Variants in LRRC27 observed in about 807,000 individuals in gnomAD.
LRRC27 encodes leucine-rich repeat-containing protein 27.
In LRRC27, 57 loss-of-function variants were observed where a neutral mutation model predicts 55.0. The observed-to-expected ratio is 1.04, with a 90% CI of 0.84 to 1.29. The LOEUF (loss-of-function observed/expected upper bound fraction) is 1.29, where lower values mean the gene tolerates loss of function less well. LRRC27 is among the 50% of genes most tolerant of loss of function. The probability of loss-of-function intolerance (pLI) is 0.00; values close to 1 mark genes in which losing one functional copy is unlikely to be tolerated. For missense variants in LRRC27, 721 were observed against 651.5 expected, an observed-to-expected ratio of 1.11 and a Z score of -1.16; for synonymous variants, 278 against 251.9, an observed-to-expected ratio of 1.10 and a Z score of -0.98.
upstream of LRRC27, chr10:132,331,440 T>C: frequency 6.2e-7 from 1 of 1,610,048 alleles, no homozygotes; most frequent in Non-Finnish European, 8.5e-7. Flanking sequence ...ACTCACTGCG[T>C]TTCCTCGCCC....
chr10:132,337,191 G>T, intron 2 of LRRC27: 1 of 1,170,866 alleles, frequency 8.5e-7, no homozygotes, highest in South Asian at 2.2e-5. Flanking sequence ...GATTTCGGGG[G>T]CTGCCGAGGG....
intron 6 of LRRC27, chr10:132,351,388 C>G: frequency 1.8e-6 from 1 of 542,868 alleles, no homozygotes; most frequent in East Asian, 3.1e-5. Context: ...TGGCAGTGGG[C>G]GCGTTGGGAC....
chr10:132,337,002 C>T lies in LRRC27; in HGVS notation c.211-563C>T, dbSNP rs189793814. On this transcript the variant is annotated intron_variant, in intron 2 of 10. Transcript: ENST00000368614. ...ATTTGTCACGACTTTACAACGCCAC[C>T]GAGTTGATGTGTCAATCTGCTTCTG... is the stretch of plus-strand genomic sequence containing the variant. The T allele has an allele frequency of 1.8e-4, 172 of 970,688 alleles. No homozygotes were observed. The Admixed American group carries it at 4.5e-3, about 26-fold the overall frequency. The allele number at this position is 970,688 out of a possible 1,614,324, so 60.1% of individuals were successfully genotyped here. A position where few individuals can be genotyped will look rare whatever the true frequency, so the allele number is the denominator to read the frequency against.
chr10:132,374,530 C>G lies in LRRC27; in HGVS notation c.1417-536C>G, dbSNP rs1479498355. On this transcript the variant is annotated intron_variant, in intron 10 of 10. Transcript: ENST00000368614. The surrounding 1 kb of genome is among the most constrained non-coding windows in gnomAD (Gnocchi z 4.4). ...GAGGTTTGGAACAGAAAGCCTGCCCCTGGTTTCACGCTCAGCAAGTTCCTT... is the reference window on the plus strand; with the variant it reads ...GAGGTTTGGAACAGAAAGCCTGCCCGTGGTTTCACGCTCAGCAAGTTCCTT... 6.6e-6 allele frequency among the ~76,000 whole-genome samples: 1 copy of G among 152,216 alleles called. No individual in the cohort carries two copies. Among genetic ancestry groups the G allele is most frequent in the Non-Finnish European group, 1.5e-5 (1 of 68,026 alleles).
intron 7 of LRRC27, among the ~76,000 whole-genome samples, chr10:132,352,160 CCG>C (rs2068065098): frequency 8.4e-5 from 7 of 82,872 alleles, no homozygotes; most frequent in African/African-American, 2.4e-4. Context: ...GCTGAGGCCT[CCG>C]TGTGGGGCAG....
At chr10:132,330,561 T>G (rs1488127540), upstream of LRRC27, 19 of 713,634 alleles carry the variant, frequency 2.7e-5, no homozygotes, top group East Asian at 5.1e-4. Flanking sequence ...AAGCTGACAT[T>G]AAGTGGCACA....
chr10:132,348,149 T>A lies in LRRC27; in HGVS notation c.719T>A (p.Leu240Gln). ...SFLPPVEKPDLSELRKSADSS... is the reference protein window; with the variant it reads ...SFLPPVEKPDQSELRKSADSS... ...CTCCCACCTGTGGAAAAGCCAGACC[T>A]GAGTGAACTCAGGAAGTCTGCGGAC... The change falls in exon 6 of 11, where the codon CTG becomes CAG. Residue 240 changes from leucine (L) to glutamine (Q), a missense_variant. Coordinates refer to ENST00000368614, the MANE Select transcript of LRRC27 (RefSeq NM_030626.3). The surrounding 1 kb of genome is among the most constrained non-coding windows in gnomAD (Gnocchi z 4.2). 1 of 1,614,084 alleles carries A rather than the reference T, an allele frequency of 6.2e-7. No individual in the cohort carries two copies. Among genetic ancestry groups the A allele is most frequent in the Non-Finnish European group, 8.5e-7 (1 of 1,180,034 alleles).
rs78162592 is a variant in LRRC27 at position 132,339,385 on chromosome 10, C to T, written c.341+1690C>T. Among the ~76,000 whole-genome samples the T allele has an allele frequency of 4.6e-3, 703 of 152,322 alleles. 4 individuals are homozygous for T. Among genetic ancestry groups the T allele is most frequent in the African/African-American group, 0.016 (666 of 41,574 alleles). ...TGCATCACTCACCCTTCAGGCTCTGCGAGGAAGCTGCTTATCTAATGATAG... is the reference window on the plus strand; with the variant it reads ...TGCATCACTCACCCTTCAGGCTCTGTGAGGAAGCTGCTTATCTAATGATAG... On this transcript the variant is annotated intron_variant, in intron 3 of 10. Coordinates refer to ENST00000368614, the MANE Select transcript of LRRC27 (RefSeq NM_030626.3).
rs1185624238 is a variant in LRRC27, at chr10:132,380,828, T to C, written c.*5586T>C. 6.6e-6 allele frequency among the ~76,000 whole-genome samples: 1 copy of C among 152,232 alleles called. No individual in the cohort carries two copies. On this transcript the variant is annotated 3_prime_UTR_variant, in exon 11 of 11. Transcript: ENST00000368614. Reference sequence around the variant, plus strand: ...CAAGAAAAAGTTGAATTTCTTGATATGTTCCGTAGATTGAGGTTTACAGCT... The same window carrying C: ...CAAGAAAAAGTTGAATTTCTTGATACGTTCCGTAGATTGAGGTTTACAGCT...
Position 132,380,920 on chromosome 10 carries a change from T to C in LRRC27, c.*5678T>C, listed in dbSNP as rs2069403357. On this transcript the variant is annotated 3_prime_UTR_variant, in exon 11 of 11. Transcript: ENST00000368614. ...GACCATAGTAAAAAAATAAGGAAATTTGTGAGCAGGCACAAAAGCCTTAAC... is the reference window on the plus strand; with the variant it reads ...GACCATAGTAAAAAAATAAGGAAATCTGTGAGCAGGCACAAAAGCCTTAAC... Among the ~76,000 whole-genome samples, 1 of 152,222 alleles carries C rather than the reference T, an allele frequency of 6.6e-6. No individual in the cohort carries two copies. Among genetic ancestry groups the C allele is most frequent in the African/African-American group, 2.4e-5 (1 of 41,444 alleles).
chr10:132,344,475 A>G (rs750719435), intron 4 of LRRC27, 23 bp from the exon 5 acceptor site: 7 of 1,593,608 alleles, frequency 4.4e-6, no homozygotes, highest in African/African-American at 2.7e-5. Flanking sequence ...GAATGCTGAC[A>G]GTTTTTTTTT....
intron 10 of LRRC27, among the ~76,000 whole-genome samples, chr10:132,367,512 T>C (rs1590731980): frequency 2.6e-5 from 4 of 152,288 alleles, no homozygotes; most frequent in Admixed American, 2.6e-4. Flanking sequence ...CATTCAGAAA[T>C]CAAATCCAGC....
chr10:132,374,973 C>T lies in LRRC27; in HGVS notation c.1417-93C>T, dbSNP rs1003909309. The T allele has an allele frequency of 2.2e-6, 3 of 1,360,822 alleles. No homozygotes were observed. The highest frequency in any genetic ancestry group is 4.1e-5 in the Admixed American group (2 of 49,104). 84.3% of individuals were successfully genotyped at this position (1,360,822 alleles called of 1,614,324 possible). A position where few individuals can be genotyped will look rare whatever the true frequency, so the allele number is the denominator to read the frequency against. On this transcript the variant is annotated intron_variant, in intron 10 of 10. Coordinates refer to ENST00000368614, the MANE Select transcript of LRRC27 (RefSeq NM_030626.3). This position sits in a 1 kb window ranked among gnomAD's most constrained non-coding sequence, Gnocchi z 4.4. Reference sequence around the variant, plus strand: ...GCTGGCTCTGCTGACGCCCACATGGCCTGGGCCCCACGTGGAATCTGAGCC... The same window carrying T: ...GCTGGCTCTGCTGACGCCCACATGGTCTGGGCCCCACGTGGAATCTGAGCC...
Position 132,348,312 on chromosome 10 carries a change from C to G in LRRC27, c.882C>G (p.Ala294=), listed in dbSNP as rs755944285. Residue 294 remains alanine, a synonymous_variant, in exon 6 of 11, where the codon GCC becomes GCG. Coordinates refer to ENST00000368614, the MANE Select transcript of LRRC27 (RefSeq NM_030626.3). This position sits in a 1 kb window ranked among gnomAD's most constrained non-coding sequence, Gnocchi z 4.2. The part of the protein sequence containing the change: ...TRELPPNLKA[A]LNIEKELPKP... The stretch of plus-strand genomic sequence containing the variant: ...AATTACCTCCAAATCTCAAGGCGGC[C>G]TTGAACATTGAGAAAGAACTACCAA... 1.2e-6 allele frequency: 2 copies of G among 1,613,856 alleles called. No individual in the cohort carries two copies. The highest frequency in any genetic ancestry group is 1.3e-5 in the African/African-American group (1 of 75,054).
chr10:132,373,465 G>C (rs2069262965), intron 10 of LRRC27, among the ~76,000 whole-genome samples: 1 of 152,190 alleles, frequency 6.6e-6, no homozygotes, highest in Non-Finnish European at 1.5e-5. Context: ...AGGGAGGGCG[G>C]GGGGAGAGGA....
rs897501010 is a variant in LRRC27 at position 132,372,166 on chromosome 10, A to G, written c.1417-2900A>G. ...GCAATCCCAGTTGAAAAGCACAGGAAGACAAAACCAACCACAGAAGGATGG... is the reference window on the plus strand; with the variant it reads ...GCAATCCCAGTTGAAAAGCACAGGAGGACAAAACCAACCACAGAAGGATGG... On this transcript the variant is annotated intron_variant, in intron 10 of 10. Transcript: ENST00000368614. This position sits in a 1 kb window ranked among gnomAD's most constrained non-coding sequence, Gnocchi z 4.0. Among the ~76,000 whole-genome samples the G allele has an allele frequency of 6.6e-5, 10 of 151,720 alleles. No individual in the cohort carries two copies. Among genetic ancestry groups the G allele is most frequent in the Non-Finnish European group, 1.5e-4 (10 of 67,998 alleles).
chr10:132,358,737 C>CGTGGGGAGGAGCCGAGGTGATGGAGCAGT (rs2068447773), intron 8 of LRRC27, among the ~76,000 whole-genome samples: 1 of 42,612 alleles, frequency 2.3e-5, no homozygotes, highest in Admixed American at 3.0e-4. Context: ...GGTGGAGCAG[C>CGTGGGGAGGAGCCGAGGTGATGGAGCAGT]GTGGGGAGGA....
intron 3 of LRRC27, among the ~76,000 whole-genome samples, chr10:132,338,710 CTTTTT>C (rs928264937): frequency 1.4e-5 from 2 of 140,010 alleles, no homozygotes; most frequent in Non-Finnish European, 3.1e-5. Flanking sequence ...TTCTTTCTTT[CTTTTT>C]TTTTTTTTTT....
In LRRC27 at chr10:132,348,438, GT is replaced by G. The variant is rs1300417157; in HGVS notation, c.926+83del. On this transcript the variant is annotated intron_variant, in intron 6 of 10. Coordinates refer to ENST00000368614, the MANE Select transcript of LRRC27 (RefSeq NM_030626.3). This position sits in a 1 kb window ranked among gnomAD's most constrained non-coding sequence, Gnocchi z 4.2. ...TTTAAATTATCTTTGAAAACATCAG[GT>G]CCAGCTTTTAAAGTGTCCTCCACGT... The G allele has an allele frequency of 3.3e-6, 5 of 1,531,688 alleles. No individual in the cohort carries two copies. The African/African-American group carries it at 6.9e-5, about 21-fold the overall frequency. 94.9% of individuals were successfully genotyped at this position (1,531,688 alleles called of 1,614,324 possible).
Sources: allele counts gnomAD v4.1 joint callset (sites outside exome capture counted in the v4.1 genomes callset), GRCh38; gene constraint gnomAD v4.1.1; non-coding constraint Gnocchi (gnomAD v3.1); transcripts MANE v1.5; gene names NCBI Gene and HGNC (gene_info 2026-07-23, HGNC 2026-07-21).